The following MVP variants were observed in gnomAD, a reference collection of about 807,000 sequenced individuals.
MVP encodes the protein lung resistance-related protein.
A neutral mutation model predicts 83.5 loss-of-function variants in MVP; 62 were observed. The ratio of observed to expected loss-of-function variants is 0.74; its 90% CI spans 0.61 to 0.92. MVP has a LOEUF of 0.92. Among genes scored for constraint, MVP ranks in the 40% least tolerant of loss-of-function variants. The probability of loss-of-function intolerance (pLI) is 0.00; values close to 1 mark genes in which losing one functional copy is unlikely to be tolerated. For missense variants in MVP, 1,000 were observed against 1,203.4 expected (o/e 0.83, Z 2.50); for synonymous variants, 505 against 504.1 (o/e 1.00, Z -0.02).
At chr16:29,835,476 G>C (rs555810714) in intron 5 of MVP, 1 of 210,354 alleles carries the variant, frequency 4.8e-6, no homozygotes, top group African/African-American at 3.9e-5. Context: ...GGGAGACTCC[G>C]TCTCAAAAAA....
chr16:29,828,195 G>A (rs1328953821), intron 1 of MVP, among the ~76,000 whole-genome samples: 1 of 151,336 alleles, frequency 6.6e-6, no homozygotes, highest in Admixed American at 6.6e-5. Context: ...TCCTGACCTT[G>A]TGATCTGCCG....
chr16:29,826,621 CAAAA>C (rs35848068), intron 1 of MVP, among the ~76,000 whole-genome samples: 4 of 87,958 alleles, frequency 4.5e-5, no homozygotes, highest in African/African-American at 1.5e-4. Flanking sequence ...GACCTTATCT[CAAAA>C]AAAAAAAAAA....
chr16:29,845,769 T>C (rs1431088151), intron 11 of MVP, 94 bp from the exon 12 acceptor site: 1 of 1,091,662 alleles, frequency 9.2e-7, no homozygotes, highest in East Asian at 2.5e-5. Flanking sequence ...GGGTCTGTCC[T>C]GGGCACCGGT....
chr16:29,842,289 AGTTTTTTGGTTTTTTG>A (rs536299949), intron 10 of MVP, among the ~76,000 whole-genome samples, 177 bp downstream of exon 10: 1 of 151,492 alleles, frequency 6.6e-6, no homozygotes, highest in Non-Finnish European at 1.5e-5. Flanking sequence ...TTGTTTTTTT[AGTTTTTTGGTTTTTTG>A]GTTTTTTGGT....
chr16:29,825,374 C>T (rs1454008802), intron 1 of MVP, among the ~76,000 whole-genome samples: 5 of 152,114 alleles, frequency 3.3e-5, no homozygotes, highest in African/African-American at 9.7e-5. Context: ...TTTTGAGGGC[C>T]CTGATCTATT....
chr16:29,846,556 T>C (rs1445237150), intron 13 of MVP, among the ~76,000 whole-genome samples: 4 of 152,240 alleles, frequency 2.6e-5, no homozygotes, highest in Non-Finnish European at 5.9e-5. Flanking sequence ...TCTTATTTAA[T>C]GCTTGAAATC....
chr16:29,839,929 C>A (rs911668340), intron 7 of MVP, among the ~76,000 whole-genome samples: 2 of 151,694 alleles, frequency 1.3e-5, no homozygotes, highest in African/African-American at 4.8e-5. Context: ...GTTTAGCTTG[C>A]GTGGATCCAG....
At chr16:29,825,479 G>T (rs576658649) in intron 1 of MVP, among the ~76,000 whole-genome samples, 1 of 152,300 alleles carries the variant, frequency 6.6e-6, no homozygotes, top group Admixed American at 6.5e-5. Context: ...TGAGTCAAAG[G>T]GTTTCCCTGG....
intron 1 of MVP, chr16:29,822,708 C>T (rs2067372349): frequency 1.3e-5 from 2 of 152,162 alleles, no homozygotes; most frequent in Admixed American, 1.3e-4. Context: ...CCTTCACAGC[C>T]TGCAATCGGA....
Position 29,840,529 on chromosome 16 carries a change from G to A in MVP, c.1191+70G>A, listed in dbSNP as rs763234128. 17 of 1,490,854 alleles carry A rather than the reference G, an allele frequency of 1.1e-5. 1 individual carries two copies. Among genetic ancestry groups the A allele is most frequent in the Middle Eastern group, 3.6e-4 (2 of 5,608 alleles). The allele number at this position is 1,490,854 out of a possible 1,614,324, so 92.4% of individuals were successfully genotyped here. A position where few individuals can be genotyped will look rare whatever the true frequency, so the allele number is the denominator to read the frequency against. On this transcript the variant is annotated intron_variant, in intron 8 of 14. Transcript: ENST00000357402. The stretch of plus-strand genomic sequence containing the variant: ...CTTGGTGGCGGCTTCCTCTGGGTGT[G>A]TGGAAGAGGTGGGCAGGGACTTCAG...
intron 11 of MVP, among the ~76,000 whole-genome samples, chr16:29,845,414 C>G (rs889612605): frequency 3.9e-5 from 6 of 152,100 alleles, no homozygotes; most frequent in Non-Finnish European, 5.9e-5. Context: ...AGCTTGGACC[C>G]ACCTGAAGGC....
chr16:29,843,566 GAGGGAGGGAGGGAGGAAGGGAGGA>G (rs2067554600), intron 10 of MVP, among the ~76,000 whole-genome samples: 1 of 68,228 alleles, frequency 1.5e-5, no homozygotes, highest in Non-Finnish European at 3.0e-5. Context: ...GGGAGGGAGG[GAGGGAGGGAGGGAGGAAGGGAGGA>G]AGGGAGGGAG....
chr16:29,836,744 G>A lies in MVP; in HGVS notation c.695G>A (p.Arg232Gln), dbSNP rs779823147. The change falls in exon 7 of 15, where the codon CGG (arginine) becomes CAG (glutamine). Residue 232 changes from arginine (R) to glutamine (Q), a missense_variant. Transcript: ENST00000357402. ...CAGACAGCCCTGCACCTCCGGGCTC[G>A]GCGGAACTTCCGGGACTTCAGGGGA... ...TEKTALHLRA[R>Q]RNFRDFRGVS... The A allele has an allele frequency of 3.8e-5, 61 of 1,598,638 alleles. No individual in the cohort carries two copies. Among genetic ancestry groups the A allele is most frequent in the East Asian group, 2.2e-5 (1 of 44,528 alleles).
intron 5 of MVP, chr16:29,835,122 A>T (rs1036702479): frequency 1.3e-5 from 2 of 152,266 alleles, no homozygotes; most frequent in African/African-American, 4.8e-5. Flanking sequence ...CTTCTCCAGT[A>T]AACCAAAGGA....
intron 7 of MVP, among the ~76,000 whole-genome samples, chr16:29,839,010 A>AG (rs948853520): frequency 1.4e-4 from 21 of 152,236 alleles, no homozygotes; most frequent in African/African-American, 5.1e-4. Context: ...AACATGGTGA[A>AG]GCCCCGTCTC....
At chr16:29,835,883 G>A in intron 6 of MVP, 85 bp downstream of exon 6, 1 of 1,083,402 alleles carries the variant, frequency 9.2e-7, no homozygotes, top group African/African-American at 1.6e-5. Flanking sequence ...AATGGCATGA[G>A]AGTAAAAGAG....
chr16:29,840,312 G>A lies in MVP; in HGVS notation c.1044G>A (p.Lys348=). The change falls in exon 8 of 15, where the codon AAG becomes AAA. Residue 348 remains lysine (K), a synonymous_variant. Transcript: ENST00000357402. ...TGGAGGAGGGGGAGGATGAGGAGAA[G>A]GTCTCACACCAGGCTGGGGACCACT... ...QPLEEGEDEE[K]VSHQAGDHWL... The A allele has an allele frequency of 6.2e-7, 1 of 1,613,212 alleles. No homozygotes were observed. The highest frequency in any genetic ancestry group is 8.5e-7 in the Non-Finnish European group (1 of 1,179,672).
chr16:29,842,189 T>G lies in MVP; in HGVS notation c.1634+77T>G, dbSNP rs1453347242. 14 of 1,462,378 alleles carry G rather than the reference T, an allele frequency of 9.6e-6. No homozygotes were observed. The East Asian group carries it at 2.5e-4, about 26-fold the overall frequency. 90.6% of individuals were successfully genotyped at this position (1,462,378 alleles called of 1,614,324 possible). Reference sequence around the variant, plus strand: ...GGGAGGCTGAGGTGGGAGGATCACTTGAGCCTAGGAGGTCCAGGCTGCAGT... The same window carrying G: ...GGGAGGCTGAGGTGGGAGGATCACTGGAGCCTAGGAGGTCCAGGCTGCAGT... On this transcript the variant is annotated intron_variant, in intron 10 of 14. Transcript: ENST00000357402.
At chr16:29,833,524 G>A in intron 3 of MVP, 3 of 430,068 alleles carry the variant, frequency 7.0e-6, no homozygotes, top group Admixed American at 4.0e-5. Context: ...GCCCAGGCTG[G>A]TTCTTGAATG....
Sources: gnomAD v4.1 joint callset for allele counts (sites outside exome capture counted in the v4.1 genomes callset) on GRCh38, gnomAD v4.1.1 for gene constraint, MANE v1.5 for transcripts, NCBI Gene and HGNC (gene_info 2026-07-23, HGNC 2026-07-21) for gene names.